The following PCDHGA5 variants were observed in gnomAD, a reference collection of about 807,000 sequenced individuals.
PCDHGA5 encodes protocadherin gamma subfamily A, 5.
Under a neutral mutation model 56.7 loss-of-function variants are expected in PCDHGA5, and 36 were observed. That is an observed-to-expected ratio of 0.64 (90% CI 0.49 to 0.84). PCDHGA5 has a LOEUF of 0.84. PCDHGA5 is among the 40% of genes least tolerant of loss of function. The pLI is 0.00. For synonymous variants in PCDHGA5, 563 were observed against 520.2 expected (o/e 1.08, Z -1.12); for missense variants, 1,305 against 1,201.5 (o/e 1.09, Z -1.27).
intron 1 of PCDHGA5, chr5:141,405,078 T>G: frequency 6.2e-7 from 1 of 1,613,888 alleles, no homozygotes; most frequent in Non-Finnish European, 8.5e-7. Flanking sequence ...ACCTTCGTTA[T>G]CACGCTGCTG....
intron 1 of PCDHGA5, chr5:141,370,593 C>A (rs373364003): frequency 6.2e-6 from 10 of 1,613,710 alleles, no homozygotes; most frequent in South Asian, 2.2e-5. Flanking sequence ...TAGGAACCTG[C>A]GGGTTATTGC....
intron 1 of PCDHGA5, among the ~76,000 whole-genome samples, chr5:141,454,918 C>T (rs1474616925): frequency 6.7e-6 from 1 of 149,344 alleles, no homozygotes; most frequent in Non-Finnish European, 1.5e-5. Context: ...CGCCATTCTC[C>T]TGCCTCAGCC....
rs1338955892 is a variant in PCDHGA5, at chr5:141,502,521, T to C, written c.2481-2872T>C. 5.9e-5 allele frequency among the ~76,000 whole-genome samples: 9 copies of C among 152,338 alleles called. No homozygotes were observed. In the East Asian group the frequency reaches 1.7e-3, roughly 29 times the overall value. The stretch of plus-strand genomic sequence containing the variant: ...CGTCGGCCTGTCCCACTATCAGTGA[T>C]GCCGAGTTTGTTCGTGTGGTAAAAA... On this transcript the variant is annotated intron_variant, in intron 2 of 3. Transcript: ENST00000518069.
rs1554087243 is a variant in PCDHGA5, at chr5:141,382,895, C to T, written c.2421+16144C>T. The T allele has an allele frequency of 2.6e-6, 4 of 1,536,202 alleles. No homozygotes were observed. The East Asian group carries it at 6.8e-5, about 26-fold the overall frequency. ...CGGCGCCTAAGCAAGAGAAGCAGGA[C>T]GACTATGGCGGCTCAGCCGAGGGGC... On this transcript the variant is annotated intron_variant, in intron 1 of 3. Transcript: ENST00000518069.
At chr5:141,422,980 C>T in intron 1 of PCDHGA5, 1 of 1,614,232 alleles carries the variant, frequency 6.2e-7, no homozygotes, top group Middle Eastern at 1.7e-4. Flanking sequence ...CTCTGCGGAA[C>T]CTGGCTACCT....
In PCDHGA5 at chr5:141,485,145, A is replaced by G. The variant is rs766014792; in HGVS notation, c.2422-9662A>G. On this transcript the variant is annotated intron_variant, in intron 1 of 3. Coordinates refer to ENST00000518069, the MANE Select transcript of PCDHGA5 (RefSeq NM_018918.3). The surrounding 1 kb of genome is among the most constrained non-coding windows in gnomAD (Gnocchi z 5.7). Reference sequence around the variant, plus strand: ...GGGTCGGCTTCATCCGCGTCTCAGGAGCAAGTAGAGAATTAGCGGGCGGCA... The same window carrying G: ...GGGTCGGCTTCATCCGCGTCTCAGGGGCAAGTAGAGAATTAGCGGGCGGCA... The G allele has an allele frequency of 4.5e-6, 7 of 1,567,410 alleles. No individual in the cohort carries two copies. Among genetic ancestry groups the G allele is most frequent in the Non-Finnish European group, 6.1e-6 (7 of 1,142,014 alleles).
Position 141,491,930 on chromosome 5 carries a change from G to A in PCDHGA5, c.2422-2877G>A, listed in dbSNP as rs2099735399. On this transcript the variant is annotated intron_variant, in intron 1 of 3. Transcript: ENST00000518069. The surrounding 1 kb of genome is among the most constrained non-coding windows in gnomAD (Gnocchi z 6.9). ...GTGGCGACTGTGGGCGAGGGGAGGT[G>A]GGACCGACCCCCACCCCTACACTCA... 1.6e-6 allele frequency: 2 copies of A among 1,276,580 alleles called. No homozygotes were observed. The highest frequency in any genetic ancestry group is 2.1e-6 in the Non-Finnish European group (2 of 943,112). 79.1% of individuals were successfully genotyped at this position (1,276,580 alleles called of 1,614,324 possible).
chr5:141,481,348 T>C (rs2099536105), intron 1 of PCDHGA5, among the ~76,000 whole-genome samples: 1 of 152,250 alleles, frequency 6.6e-6, no homozygotes, highest in Non-Finnish European at 1.5e-5. Flanking sequence ...TATTTAAACA[T>C]CTACAGCTGT....
At position 141,384,635 on chromosome 5, in the gene PCDHGA5, C is replaced by G. The variant is rs752480661; in HGVS notation, c.2421+17884C>G. On this transcript the variant is annotated intron_variant, in intron 1 of 3. Coordinates refer to ENST00000518069, the MANE Select transcript of PCDHGA5 (RefSeq NM_018918.3). The stretch of plus-strand genomic sequence containing the variant: ...GGTTCTACTGGCATGGAGCTGGCAC[C>G]CCGCTCCGCAGAGCCCGGCTACCTG... The G allele has an allele frequency of 1.9e-6, 3 of 1,614,214 alleles. No individual in the cohort carries two copies. The East Asian group carries it at 6.7e-5, about 36-fold the overall frequency.
intron 1 of PCDHGA5, among the ~76,000 whole-genome samples, chr5:141,436,557 A>G (rs1224841336): frequency 6.6e-6 from 1 of 152,218 alleles, no homozygotes; most frequent in Non-Finnish European, 1.5e-5. Flanking sequence ...GAGCTTCAGC[A>G]AAGTAGGAAT....
At chr5:141,507,842 C>CT (rs2099864170) in intron 3 of PCDHGA5, among the ~76,000 whole-genome samples, 1 of 152,230 alleles carries the variant, frequency 6.6e-6, no homozygotes, top group Admixed American at 6.5e-5. Flanking sequence ...GGGTCAGGCC[C>CT]TGCTCTCACT....
intron 1 of PCDHGA5, chr5:141,422,759 A>G (rs2096670710): frequency 6.2e-7 from 1 of 1,613,252 alleles, no homozygotes; most frequent in Non-Finnish European, 8.5e-7. Flanking sequence ...ATTAACTCCA[A>G]CACTGGTGTT....
Position 141,485,227 on chromosome 5 carries a change from G to T in PCDHGA5, c.2422-9580G>T. Reference sequence around the variant, plus strand: ...AAATCTGGCGGTGGGCTACCCTTTTGTTCCTCTTTTACCACCTGGGTTACG... The same window carrying T: ...AAATCTGGCGGTGGGCTACCCTTTTTTTCCTCTTTTACCACCTGGGTTACG... On this transcript the variant is annotated intron_variant, in intron 1 of 3. Transcript: ENST00000518069. The surrounding 1 kb of genome is among the most constrained non-coding windows in gnomAD (Gnocchi z 5.7). The T allele has an allele frequency of 6.2e-7, 1 of 1,614,186 alleles. No individual in the cohort carries two copies. Among genetic ancestry groups the T allele is most frequent in the Non-Finnish European group, 8.5e-7 (1 of 1,180,020 alleles).
chr5:141,477,043 G>A lies in PCDHGA5; in HGVS notation c.2422-17764G>A. The A allele has an allele frequency of 6.2e-7, 1 of 1,614,260 alleles. No individual in the cohort carries two copies. Among genetic ancestry groups the A allele is most frequent in the Middle Eastern group, 1.6e-4 (1 of 6,062 alleles). On this transcript the variant is annotated intron_variant, in intron 1 of 3. Coordinates refer to ENST00000518069, the MANE Select transcript of PCDHGA5 (RefSeq NM_018918.3). This position sits in a 1 kb window ranked among gnomAD's most constrained non-coding sequence, Gnocchi z 4.9. The stretch of plus-strand genomic sequence containing the variant: ...CCGGGATGCTGACAATCAAGGGTCG[G>A]CTGGACTTCGAGGACACCAAACTCC...
At chr5:141,500,568 T>C (rs1562196424) in intron 2 of PCDHGA5, among the ~76,000 whole-genome samples, 2 of 152,190 alleles carry the variant, frequency 1.3e-5, no homozygotes, top group Admixed American at 6.5e-5. Context: ...CTTGTCACAC[T>C]TTCATGTGAC....
intron 1 of PCDHGA5, chr5:141,395,200 A>G: frequency 6.2e-7 from 1 of 1,613,768 alleles, no homozygotes; most frequent in Non-Finnish European, 8.5e-7. Flanking sequence ...ACATCCGTAG[A>G]TTTTCATGAA....
At chr5:141,374,495 T>C in intron 1 of PCDHGA5, 2 of 1,611,502 alleles carry the variant, frequency 1.2e-6, no homozygotes, top group Non-Finnish European at 8.5e-7. Context: ...AAAGGAAGAA[T>C]TGGAAGTGAA....
intron 1 of PCDHGA5, chr5:141,382,981 G>A (rs781148657): frequency 6.2e-7 from 1 of 1,612,324 alleles, no homozygotes; most frequent in Non-Finnish European, 8.5e-7. Flanking sequence ...GGAAGCCTGG[G>A]CAGGACGTAT....
At chr5:141,399,613 G>C (rs752648693) in intron 1 of PCDHGA5, 1 of 1,613,928 alleles carries the variant, frequency 6.2e-7, no homozygotes, top group South Asian at 1.1e-5. Context: ...AGAGCCTCTG[G>C]CACTGGCCTC....
Sources: allele counts gnomAD v4.1 joint callset (sites outside exome capture counted in the v4.1 genomes callset), GRCh38; gene constraint gnomAD v4.1.1; non-coding constraint Gnocchi (gnomAD v3.1); transcripts MANE v1.5; gene names NCBI Gene and HGNC (gene_info 2026-07-23, HGNC 2026-07-21).